DLGAP2: variants seen among roughly 807,000 people sequenced by gnomAD.
DLGAP2 encodes the protein disks large-associated protein 2.
A neutral mutation model predicts 100.3 loss-of-function variants in DLGAP2; 26 were observed. That is an observed-to-expected ratio of 0.26 (90% CI 0.19 to 0.36). The LOEUF is 0.36. DLGAP2 is among the 10% of genes least tolerant of loss of function. The pLI, the probability that DLGAP2 is intolerant of heterozygous loss-of-function variation, is 1.00. For missense variants in DLGAP2, 1,858 were observed against 1,453.2 expected (o/e 1.28, Z -4.53); for synonymous variants, 886 against 630.1 (o/e 1.41, Z -6.08).
intron 3 of DLGAP2, chr8:1,369,681 A>T (rs1222899109): frequency 6.6e-6 from 1 of 152,254 alleles, no homozygotes; most frequent in Non-Finnish European, 1.5e-5. Context: ...CGCCCTGTCC[A>T]AATATCTAGG....
chr8:1,301,990 C>T (rs188225952), intron 3 of DLGAP2: 4 of 152,096 alleles, frequency 2.6e-5, no homozygotes, highest in African/African-American at 9.7e-5. Flanking sequence ...GTAATTAAGT[C>T]AGGTGTCGTG....
intron 2 of DLGAP2, among the ~76,000 whole-genome samples, chr8:1,241,121 A>G (rs1389696960): frequency 9.3e-6 from 1 of 107,178 alleles, no homozygotes; most frequent in African/African-American, 4.4e-5. Context: ...GTTCTCTCGC[A>G]TGGCGCCGTG....
intron 4 of DLGAP2, among the ~76,000 whole-genome samples, chr8:1,510,514 C>T (rs962778410): frequency 1.3e-5 from 2 of 152,212 alleles, no homozygotes; most frequent in African/African-American, 4.8e-5. Flanking sequence ...GGGTTGAACA[C>T]GACGAAGGAG....
At chr8:821,663 G>A (rs936368612) in intron 1 of DLGAP2, among the ~76,000 whole-genome samples, 2 of 152,148 alleles carry the variant, frequency 1.3e-5, no homozygotes, top group African/African-American at 4.8e-5. Flanking sequence ...CTTGGAATCT[G>A]TTTGGTTCTT....
intron 6 of DLGAP2, among the ~76,000 whole-genome samples, chr8:1,583,745 C>G (rs917972002): frequency 1.4e-4 from 21 of 152,130 alleles, no homozygotes; most frequent in African/African-American, 5.1e-4. Flanking sequence ...GCTCCAAGTC[C>G]TGCCTCTCAC....
At chr8:795,769 C>A in intron 1 of DLGAP2, among the ~76,000 whole-genome samples, 1 of 127,252 alleles carries the variant, frequency 7.9e-6, no homozygotes, top group South Asian at 2.7e-4. Context: ...TGAGAGCAGG[C>A]GTCCAGTGAG....
intron 7 of DLGAP2, among the ~76,000 whole-genome samples, chr8:1,630,523 A>G (rs944316739): frequency 1.1e-4 from 16 of 152,110 alleles, no homozygotes; most frequent in African/African-American, 3.9e-4. Context: ...TAACATGGTG[A>G]AACCTCGTCT....
intron 2 of DLGAP2, among the ~76,000 whole-genome samples, chr8:1,123,555 G>T (rs1389312733): frequency 1.3e-5 from 2 of 152,092 alleles, no homozygotes; most frequent in Non-Finnish European, 2.9e-5. Flanking sequence ...TCAGATGTTT[G>T]GTCTAAAACC....
intron 3 of DLGAP2, among the ~76,000 whole-genome samples, chr8:1,310,871 G>A (rs1157681521): frequency 1.3e-5 from 2 of 151,836 alleles, no homozygotes; most frequent in African/African-American, 2.4e-5. Flanking sequence ...AATAACAGGA[G>A]GAAAACTGGA....
intron 1 of DLGAP2, among the ~76,000 whole-genome samples, chr8:807,888 C>T (rs983990284): frequency 2.1e-4 from 32 of 152,198 alleles, no homozygotes; most frequent in African/African-American, 6.0e-4. Context: ...TCACAGCAGC[C>T]GGAGGAACAT....
chr8:973,726 G>C (rs909080658), intron 2 of DLGAP2, among the ~76,000 whole-genome samples: 3 of 152,322 alleles, frequency 2.0e-5, no homozygotes, highest in Admixed American at 2.0e-4. Flanking sequence ...CTACTTTATC[G>C]GATAGTGTTG....
At chr8:1,412,851 G>C (rs1796772698) in intron 3 of DLGAP2, among the ~76,000 whole-genome samples, 1 of 147,470 alleles carries the variant, frequency 6.8e-6, no homozygotes, top group Admixed American at 6.7e-5. Context: ...AGGGCCACCT[G>C]CATTTCCTGA....
intron 2 of DLGAP2, among the ~76,000 whole-genome samples, chr8:1,036,334 C>T (rs1563156832): frequency 6.6e-6 from 1 of 152,250 alleles, no homozygotes; most frequent in African/African-American, 2.4e-5. Flanking sequence ...CCATCTGCTG[C>T]AGTGGATGCT....
chr8:1,193,171 C>T (rs940446786), intron 2 of DLGAP2, among the ~76,000 whole-genome samples: 1 of 152,090 alleles, frequency 6.6e-6, no homozygotes, highest in Non-Finnish European at 1.5e-5. Context: ...GATTTATAAT[C>T]CTTTGGGTAT....
intron 8 of DLGAP2, among the ~76,000 whole-genome samples, chr8:1,641,966 C>G (rs1228588146): frequency 2.3e-5 from 2 of 85,164 alleles, no homozygotes; most frequent in African/African-American, 7.5e-5. Context: ...GTGTCACCCT[C>G]GACCCCGCCG....
At chr8:1,193,908 G>A (rs938030179) in intron 2 of DLGAP2, among the ~76,000 whole-genome samples, 1 of 152,160 alleles carries the variant, frequency 6.6e-6, no homozygotes, top group South Asian at 2.1e-4. Flanking sequence ...CCAGCCAGGA[G>A]GAGCCGCTGG....
intron 1 of DLGAP2, among the ~76,000 whole-genome samples, chr8:754,857 A>G (rs1820884677): frequency 6.6e-6 from 1 of 152,210 alleles, no homozygotes; most frequent in South Asian, 2.1e-4. Context: ...AAAGAAAAAA[A>G]GCAAGTAAGG....
At chr8:1,418,795 C>T (rs1228661811) in intron 3 of DLGAP2, among the ~76,000 whole-genome samples, 1 of 152,226 alleles carries the variant, frequency 6.6e-6, no homozygotes, top group Non-Finnish European at 1.5e-5. Flanking sequence ...CTGCACTTCC[C>T]TCAGACCCCG....
intron 3 of DLGAP2, among the ~76,000 whole-genome samples, chr8:1,481,988 C>G (rs1198392607): frequency 1.3e-5 from 2 of 152,244 alleles, no homozygotes; most frequent in Non-Finnish European, 2.9e-5. Context: ...AATGACTGCT[C>G]TCAGCCCTCC....
Sources: allele counts gnomAD v4.1 joint callset (sites outside exome capture counted in the v4.1 genomes callset), GRCh38; gene constraint gnomAD v4.1.1; transcripts MANE v1.5; gene names NCBI Gene and HGNC (gene_info 2026-07-23, HGNC 2026-07-21).